LTV1: variants seen among roughly 807,000 people sequenced by gnomAD.
The protein encoded by LTV1 is protein LTV1 homolog.
Under a neutral mutation model 59.9 loss-of-function variants are expected in LTV1, and 39 were observed. The ratio of observed to expected loss-of-function variants is 0.65; its 90% CI spans 0.50 to 0.85. LTV1 has a LOEUF of 0.85. Ranked by LOEUF, LTV1 falls within the 40% of genes least tolerant of loss-of-function variation. The probability of loss-of-function intolerance (pLI) is 0.00; values close to 1 mark genes in which losing one functional copy is unlikely to be tolerated. For synonymous variants in LTV1, 171 were observed against 189.5 expected, an observed-to-expected ratio of 0.90 and a Z score of 0.80; for missense variants, 493 against 549.1, an observed-to-expected ratio of 0.90 and a Z score of 1.02.
chr6:143,856,266 T>C (rs1229876235), intron 4 of LTV1, among the ~76,000 whole-genome samples: 3 of 152,252 alleles, frequency 2.0e-5, no homozygotes, highest in Admixed American at 6.5e-5. Context: ...GTTCCCTTGC[T>C]GTGTTTTTCA....
At position 143,863,567 on chromosome 6, in the gene LTV1, C is replaced by T. The variant is rs200396255; in HGVS notation, c.*40C>T. The T allele has an allele frequency of 1.5e-6, 2 of 1,338,864 alleles. No homozygotes were observed. The highest frequency in any genetic ancestry group is 1.5e-5 in the African/African-American group (1 of 68,352). 82.9% of individuals were successfully genotyped at this position (1,338,864 alleles called of 1,614,324 possible). Reference sequence around the variant, plus strand: ...AGGGCAAGGCACTTTATTAGGGGCTCCTCATCTTTGGTTATTGACTAGAAA... The same window carrying T: ...AGGGCAAGGCACTTTATTAGGGGCTTCTCATCTTTGGTTATTGACTAGAAA... On this transcript the variant is annotated 3_prime_UTR_variant, in exon 11 of 11. Transcript: ENST00000367576. This position sits in a 1 kb window ranked among gnomAD's most constrained non-coding sequence, Gnocchi z 4.5.
At chr6:143,851,527 T>C (rs986852030) in intron 4 of LTV1, among the ~76,000 whole-genome samples, 30 of 152,318 alleles carry the variant, frequency 2.0e-4, no homozygotes, top group African/African-American at 6.5e-4. Context: ...TAATGGAACA[T>C]TATTTTCACC....
rs1196680577 is a variant in LTV1, at chr6:143,862,448, T to G, written c.1063+205T>G. Among the ~76,000 whole-genome samples the G allele has an allele frequency of 1.3e-5, 2 of 151,902 alleles. No homozygotes were observed. Among genetic ancestry groups the G allele is most frequent in the Admixed American group, 1.3e-4 (2 of 15,262 alleles). On this transcript the variant is annotated intron_variant, in intron 8 of 10. Transcript: ENST00000367576. The surrounding 1 kb of genome is among the most constrained non-coding windows in gnomAD (Gnocchi z 4.2). ...AAAAAATACAAAAATTAGCCAGGTA[T>G]GGTGGCAGGCAACTGTAATCCCAGC...
At chr6:143,852,595 G>C (rs1777001297) in intron 4 of LTV1, among the ~76,000 whole-genome samples, 1 of 152,108 alleles carries the variant, frequency 6.6e-6, no homozygotes, top group South Asian at 2.1e-4. Context: ...TGTCAATTTT[G>C]GCTTTTGTTG....
Position 143,861,525 on chromosome 6 carries a change from C to T in LTV1, c.924-579C>T, listed in dbSNP as rs148245010. Among the ~76,000 whole-genome samples the T allele has an allele frequency of 2.0e-4, 30 of 152,118 alleles. No homozygotes were observed. In the East Asian group the frequency reaches 2.1e-3, roughly 11 times the overall value. ...GGGCTGAAGAATTATTCCAAGCATA[C>T]GCTTTTTTCATCTTTCTGAAATGCC... On this transcript the variant is annotated intron_variant, in intron 7 of 10. Transcript: ENST00000367576.
intron 2 of LTV1, 108 bp downstream of exon 2, chr6:143,844,725 G>A (rs1012583776): frequency 6.7e-6 from 8 of 1,198,030 alleles, no homozygotes; most frequent in South Asian, 5.2e-5. Context: ...GGCTGGTCTC[G>A]AACTCCTGGA....
intron 2 of LTV1, among the ~76,000 whole-genome samples, 192 bp downstream of exon 2, chr6:143,844,809 T>C (rs1670262156): frequency 6.6e-6 from 1 of 152,120 alleles, no homozygotes; most frequent in Admixed American, 6.5e-5. Context: ...CTTGCTATGT[T>C]AATAGTTTTT....
rs1776834896 is a variant in LTV1, at chr6:143,843,490, C to T, written c.3+10C>T. The T allele has an allele frequency of 6.2e-7, 1 of 1,613,424 alleles. No individual in the cohort carries two copies. Among genetic ancestry groups the T allele is most frequent in the African/African-American group, 1.3e-5 (1 of 74,930 alleles). On this transcript the variant is annotated intron_variant, in intron 1 of 10. Coordinates refer to ENST00000367576, the MANE Select transcript of LTV1 (RefSeq NM_032860.5). ...GCGCGGCTGCAGCATGGTGAGCAAG[C>T]CTTGCTTGTTTCGGCGGCCGAGCGC... is the stretch of plus-strand genomic sequence containing the variant.
chr6:143,843,585 CAGAGGCTGCT>C, intron 1 of LTV1, 105 bp downstream of exon 1: 1 of 1,454,276 alleles, frequency 6.9e-7, no homozygotes, highest in Non-Finnish European at 9.5e-7. Context: ...TGGGTCATGC[CAGAGGCTGCT>C]TGCGGCACGG....
chr6:143,843,356 C>T lies in LTV1; in HGVS notation c.-122C>T, dbSNP rs954451436. On this transcript the variant is annotated 5_prime_UTR_variant, in exon 1 of 11. Transcript: ENST00000367576. ...CGGCTGGGTGACGTTATCGCCGGGT[C>T]CTGGGGCTGCACGTGTGGTGAGGCC... The T allele has an allele frequency of 3.9e-5, 48 of 1,231,934 alleles. No homozygotes were observed. The highest frequency in any genetic ancestry group is 5.3e-5 in the Non-Finnish European group (45 of 843,198). The allele number at this position is 1,231,934 out of a possible 1,614,324, so 76.3% of individuals were successfully genotyped here.
At chr6:143,849,461 G>A (rs961927776) in intron 3 of LTV1, among the ~76,000 whole-genome samples, 6 of 152,144 alleles carry the variant, frequency 3.9e-5, no homozygotes, top group South Asian at 2.1e-4. Flanking sequence ...TCAGGCAGGT[G>A]GGCCATTTAA....
At position 143,855,617 on chromosome 6, in the gene LTV1, A is replaced by C. The variant is rs917563616; in HGVS notation, c.398-1686A>C. 1.9e-4 allele frequency among the ~76,000 whole-genome samples: 29 copies of C among 152,104 alleles called. No homozygotes were observed. The highest frequency in any genetic ancestry group is 3.1e-4 in the Non-Finnish European group (21 of 67,994). On this transcript the variant is annotated intron_variant, in intron 4 of 10. Coordinates refer to ENST00000367576, the MANE Select transcript of LTV1 (RefSeq NM_032860.5). The surrounding 1 kb of genome is among the most constrained non-coding windows in gnomAD (Gnocchi z 4.6). ...TTCCATATTTAGTGCTTCCTTCAGG[A>C]GCTCTTGTAAGGCAGGCCTGGTGGT... is the stretch of plus-strand genomic sequence containing the variant.
At chr6:143,850,027 C>A (rs1776955903) in intron 3 of LTV1, 104 bp from the exon 4 acceptor site, 1 of 817,194 alleles carries the variant, frequency 1.2e-6, no homozygotes, top group Non-Finnish European at 2.1e-6. Context: ...TATGGTCAGT[C>A]TAAGGTTCTG....
chr6:143,857,714 A>C lies in LTV1; in HGVS notation c.540-38A>C, dbSNP rs1441802248. 1 of 1,608,128 alleles carries C rather than the reference A, an allele frequency of 6.2e-7. No individual in the cohort carries two copies. Among genetic ancestry groups the C allele is most frequent in the Non-Finnish European group, 8.5e-7 (1 of 1,175,480 alleles). ...AAGTGGTTTTGTTCTGTTACTTTTTAAGTTGTTTTGGTAGGTAATTTATGA... is the reference window on the plus strand; with the variant it reads ...AAGTGGTTTTGTTCTGTTACTTTTTCAGTTGTTTTGGTAGGTAATTTATGA... On this transcript the variant is annotated intron_variant, in intron 5 of 10. Coordinates refer to ENST00000367576, the MANE Select transcript of LTV1 (RefSeq NM_032860.5). The surrounding 1 kb of genome is among the most constrained non-coding windows in gnomAD (Gnocchi z 5.2).
chr6:143,843,873 C>T (rs938594682), intron 1 of LTV1, among the ~76,000 whole-genome samples: 2 of 152,228 alleles, frequency 1.3e-5, no homozygotes, highest in Non-Finnish European at 2.9e-5. Flanking sequence ...TCTGTTTCCT[C>T]TGAGAAAGGG....
rs1777140304 is a variant in LTV1, at chr6:143,860,304, A to G, written c.796-122A>G. On this transcript the variant is annotated intron_variant, in intron 6 of 10. Coordinates refer to ENST00000367576, the MANE Select transcript of LTV1 (RefSeq NM_032860.5). Reference sequence around the variant, plus strand: ...AATCCCTACTGATATTTTAATGGTAATTGTGATAGTACCTGAATAACTATT... The same window carrying G: ...AATCCCTACTGATATTTTAATGGTAGTTGTGATAGTACCTGAATAACTATT... 3 of 737,264 alleles carry G rather than the reference A, an allele frequency of 4.1e-6. No individual in the cohort carries two copies. The South Asian group carries it at 7.1e-5, about 18-fold the overall frequency. The allele number at this position is 737,264 out of a possible 1,614,324, so 45.7% of individuals were successfully genotyped here. A position where few individuals can be genotyped will look rare whatever the true frequency, so the allele number is the denominator to read the frequency against.
intron 2 of LTV1, 143 bp from the exon 3 acceptor site, chr6:143,845,908 A>G (rs781005981): frequency 1.6e-6 from 1 of 642,776 alleles, no homozygotes; most frequent in East Asian, 3.0e-5. Flanking sequence ...TTTTCCCATC[A>G]GCCAAAATGT....
At chr6:143,850,254 A>G in intron 4 of LTV1, 36 bp downstream of exon 4, 1 of 1,512,622 alleles carries the variant, frequency 6.6e-7, no homozygotes, top group Non-Finnish European at 9.1e-7. Flanking sequence ...ATATGGATAA[A>G]TGTATTTTGC....
chr6:143,851,440 G>A (rs957206996), intron 4 of LTV1, among the ~76,000 whole-genome samples: 10 of 152,030 alleles, frequency 6.6e-5, no homozygotes, highest in Admixed American at 3.3e-4. Flanking sequence ...TTTTTAACAG[G>A]TGAATTTAAA....
Sources: allele counts gnomAD v4.1 joint callset (sites outside exome capture counted in the v4.1 genomes callset), GRCh38; gene constraint gnomAD v4.1.1; non-coding constraint Gnocchi (gnomAD v3.1); transcripts MANE v1.5; gene names NCBI Gene and HGNC (gene_info 2026-07-23, HGNC 2026-07-21).